The following DSPP variants were observed in gnomAD, a reference collection of about 807,000 sequenced individuals.
The protein encoded by DSPP is deafness, autosomal dominant 39.
In DSPP, 28 loss-of-function variants were observed where a neutral mutation model predicts 29.1. The observed-to-expected ratio is 0.96, with a 90% CI of 0.71 to 1.32. The LOEUF (loss-of-function observed/expected upper bound fraction) is 1.32. Ranked by LOEUF, DSPP falls within the 40% of genes most tolerant of loss-of-function variation. The pLI is 0.00. For missense variants in DSPP, 1,281 were observed against 1,629.9 expected, an observed-to-expected ratio of 0.79 and a Z score of 3.69; for synonymous variants, 481 against 503.4, an observed-to-expected ratio of 0.96 and a Z score of 0.60.
rs772932352 is a variant in DSPP at position 87,615,919 on chromosome 4, AT to A, written c.3258del (p.Asp1086GlufsTer228). 1.1e-4 allele frequency: 115 copies of A among 1,021,688 alleles called. 1 individual carries two copies. Among genetic ancestry groups the A allele is most frequent in the Admixed American group, 1.3e-4 (4 of 30,774 alleles). 63.3% of individuals were successfully genotyped at this position (1,021,688 alleles called of 1,614,324 possible). On this transcript the variant is annotated frameshift_variant, in exon 5 of 5. Transcript: ENST00000651931. LOFTEE classifies it low-confidence loss of function (END_TRUNC). ...SDSSDSSESS[D>X]SSDSSNSSDS... ...AGCAGTGATAGCAGTGAAAGCAGTGATAGCAGTGACAGCAGCAATAGCAGTG... is the reference window on the plus strand; with the variant it reads ...AGCAGTGATAGCAGTGAAAGCAGTGAAGCAGTGACAGCAGCAATAGCAGTG...
chr4:87,615,020 C>T lies in DSPP; in HGVS notation c.2358C>T (p.Asn786=), dbSNP rs377515207. ...ACAGCAGCAACAGCAGTGATAGCAA[C>T]GACAGCAGCAATAGCAGTGACAGCA... is the stretch of plus-strand genomic sequence containing the variant. The part of the protein sequence containing the change: ...SSDSSNSSDS[N]DSSNSSDSSD... The change falls in exon 5 of 5, where the codon AAC becomes AAT. Residue 786 remains asparagine, a synonymous_variant. Transcript: ENST00000651931. The T allele has an allele frequency of 1.3e-4, 207 of 1,547,316 alleles. No individual in the cohort carries two copies. Among genetic ancestry groups the T allele is most frequent in the African/African-American group, 2.9e-4 (21 of 71,598 alleles).
At chr4:87,610,636 T>C (rs1727715690) in intron 1 of DSPP, among the ~76,000 whole-genome samples, 1 of 152,162 alleles carries the variant, frequency 6.6e-6, no homozygotes, top group South Asian at 2.1e-4. Flanking sequence ...ATGCCCTTTG[T>C]ACCTATTATG....
rs768799620 is a variant in DSPP, at chr4:87,613,218, C to T, written c.1032C>T (p.Thr344=). 6.2e-7 allele frequency: 1 copy of T among 1,613,798 alleles called. No homozygotes were observed. Among genetic ancestry groups the T allele is most frequent in the South Asian group, 1.1e-5 (1 of 91,052 alleles). ...ATGGCAGCCAAAGAATAGAGGACAC[C>T]CAGAAGCTCAACCATAGAGAAAGCA... ...EDNGSQRIED[T]QKLNHRESKR... The change falls in exon 4 of 5, where the codon ACC becomes ACT. Residue 344 remains threonine, a synonymous_variant. Coordinates refer to ENST00000651931, the MANE Select transcript of DSPP (RefSeq NM_014208.3).
rs1727920743 is a variant in DSPP, at chr4:87,616,097, T to TGACAGCAGTGAAAGCAGC, written c.3447_3464dup (p.Glu1149_Ser1154dup). ...ACAGCAGCAACAGCAGTGACAGCAG[T>TGACAGCAGTGAAAGCAGC]GACAGCAGTGAAAGCAGCGACAGCA... On this transcript the variant is annotated inframe_insertion, in exon 5 of 5. Transcript: ENST00000651931. 2 of 927,168 alleles carry TGACAGCAGTGAAAGCAGC rather than the reference T, an allele frequency of 2.2e-6. 1 individual carries two copies. Among genetic ancestry groups the TGACAGCAGTGAAAGCAGC allele is most frequent in the Non-Finnish European group, 2.8e-6 (2 of 712,076 alleles). The allele number at this position is 927,168 out of a possible 1,614,324, so 57.4% of individuals were successfully genotyped here. A position where few individuals can be genotyped will look rare whatever the true frequency, so the allele number is the denominator to read the frequency against.
chr4:87,616,590 A>T lies in DSPP; in HGVS notation c.*22A>T. The T allele has an allele frequency of 6.4e-7, 1 of 1,551,732 alleles. No individual in the cohort carries two copies. Among genetic ancestry groups the T allele is most frequent in the Non-Finnish European group, 8.7e-7 (1 of 1,147,000 alleles). On this transcript the variant is annotated 3_prime_UTR_variant, in exon 5 of 5. Transcript: ENST00000651931. ...TTAGAACAAAAGAAAAACCCGTAAG[A>T]TTCCTTTTGTGAAAAGTTTGGTAAT...
intron 4 of DSPP, 75 bp downstream of exon 4, chr4:87,613,383 A>T: frequency 6.5e-7 from 1 of 1,530,034 alleles, no homozygotes; most frequent in Non-Finnish European, 9.0e-7. Flanking sequence ...TAGCACAAAA[A>T]TAAACCATGA....
In DSPP at chr4:87,614,101, A is replaced by G; in HGVS notation, c.1439A>G (p.Glu480Gly). 1 of 1,614,262 alleles carries G rather than the reference A, an allele frequency of 6.2e-7. No homozygotes were observed. Among genetic ancestry groups the G allele is most frequent in the Non-Finnish European group, 8.5e-7 (1 of 1,180,048 alleles). Reference protein sequence around the residue: ...ESNGNDDANSESDNNSSSRGD... With the variant: ...ESNGNDDANSGSDNNSSSRGD... ...AATGGCAATGATGATGCTAATTCAG[A>G]AAGTGACAATAACAGCAGTAGCCGA... Residue 480 changes from glutamate (E) to glycine (G), a missense_variant, in exon 5 of 5, where the codon GAA becomes GGA. Transcript: ENST00000651931.
chr4:87,610,150 G>C (rs946596571), intron 1 of DSPP, among the ~76,000 whole-genome samples: 4 of 152,088 alleles, frequency 2.6e-5, no homozygotes, highest in Non-Finnish European at 5.9e-5. Flanking sequence ...TAAGTAACTA[G>C]GCAATTTTAA....
rs1351837306 is a variant in DSPP, at chr4:87,616,497, A to G, written c.3835A>G (p.Asn1279Asp). Residue 1279 changes from asparagine to aspartate, a missense_variant, in exon 5 of 5, where the codon AAC becomes GAC. By Grantham distance (23) the Asn-to-Asp change is conservative. Coordinates refer to ENST00000651931, the MANE Select transcript of DSPP (RefSeq NM_014208.3). Reference protein sequence around the residue: ...SDSQSKSGNGNNNGSDSDSDS... With the variant: ...SDSQSKSGNGDNNGSDSDSDS... The stretch of plus-strand genomic sequence containing the variant: ...CAGCCAGAGCAAGTCTGGTAACGGT[A>G]ACAACAATGGAAGTGACAGTGACAG... 2 of 1,551,676 alleles carry G rather than the reference A, an allele frequency of 1.3e-6. No homozygotes were observed. Among genetic ancestry groups the G allele is most frequent in the Non-Finnish European group, 1.7e-6 (2 of 1,147,008 alleles).
Position 87,614,758 on chromosome 4 carries a change from G to C in DSPP, c.2096G>C (p.Ser699Thr). The change falls in exon 5 of 5, where the codon AGT becomes ACT. Residue 699 changes from serine (S) to threonine (T), a missense_variant. By Grantham distance (58) the Ser-to-Thr change is moderately conservative (BLOSUM62 1). This residue lies in a region of DSPP where 444 missense variants were observed against 611.4 expected (regional missense o/e 0.73). Transcript: ENST00000651931. ...GACAGTAGTGACAGCAGCAATAGCA[G>C]TGAGAGCAGTGATAGTAGTGACAGC... is the stretch of plus-strand genomic sequence containing the variant. ...SSDSSDSSNSSESSDSSDSSD... is the reference protein window; with the variant it reads ...SSDSSDSSNSTESSDSSDSSD... 1 of 1,549,228 alleles carries C rather than the reference G, an allele frequency of 6.5e-7. No homozygotes were observed.
At chr4:87,613,335 A>C (rs1476768152) in intron 4 of DSPP, 27 bp downstream of exon 4, 1 of 1,611,778 alleles carries the variant, frequency 6.2e-7, no homozygotes, top group East Asian at 2.2e-5. Context: ...GATTTCTTTC[A>C]ATGGCAGTTT....
In DSPP at chr4:87,613,184, C is replaced by T. The variant is rs375236885; in HGVS notation, c.998C>T (p.Pro333Leu). 8 of 1,614,000 alleles carry T rather than the reference C, an allele frequency of 5.0e-6. No homozygotes were observed. Among genetic ancestry groups the T allele is most frequent in the South Asian group, 1.1e-5 (1 of 91,068 alleles). The change falls in exon 4 of 5, where the codon CCA becomes CTA. Residue 333 changes from proline (P) to leucine (L), a missense_variant. Coordinates refer to ENST00000651931, the MANE Select transcript of DSPP (RefSeq NM_014208.3). ...AGTGAGGAGAATTCTGCTGGTATTC[C>T]AGAAGACAATGGCAGCCAAAGAATA... ...SKSEENSAGI[P>L]EDNGSQRIED...
In DSPP at chr4:87,613,082, C is replaced by A. The variant is rs1727770632; in HGVS notation, c.896C>A (p.Ser299Ter). The A allele has an allele frequency of 4.3e-6, 7 of 1,614,010 alleles. No individual in the cohort carries two copies. Among genetic ancestry groups the A allele is most frequent in the Non-Finnish European group, 5.9e-6 (7 of 1,179,996 alleles). ...CATGATAGTAGCATAGGTCAAAATT[C>A]AGATAGTAAAGAATATTATGACCCT... Reference protein sequence around the residue: ...DDHDSSIGQNSDSKEYYDPEG... With the variant: ...DDHDSSIGQN Residue 299 changes from serine (S) to a stop codon, truncating the protein, a stop_gained, in exon 4 of 5, where the codon TCA becomes TAA. Coordinates refer to ENST00000651931, the MANE Select transcript of DSPP (RefSeq NM_014208.3). LOFTEE classifies it high-confidence loss of function.
chr4:87,613,975 A>G lies in DSPP; in HGVS notation c.1313A>G (p.His438Arg). Residue 438 changes from histidine to arginine, a missense_variant, in exon 5 of 5, where the codon CAC (histidine) becomes CGC (arginine). By Grantham distance (29) the His-to-Arg change is conservative. Transcript: ENST00000651931. Reference protein sequence around the residue: ...QKSEPGNKVGHSNTGSDSNSD... With the variant: ...QKSEPGNKVGRSNTGSDSNSD... ...TCAGAACCAGGAAATAAAGTTGGACACAGCAATACAGGTAGTGACAGCAAT... is the reference window on the plus strand; with the variant it reads ...TCAGAACCAGGAAATAAAGTTGGACGCAGCAATACAGGTAGTGACAGCAAT... 6.2e-7 allele frequency: 1 copy of G among 1,614,248 alleles called. No homozygotes were observed. The highest frequency in any genetic ancestry group is 8.5e-7 in the Non-Finnish European group (1 of 1,180,048).
chr4:87,616,782 T>G lies in DSPP; in HGVS notation c.*214T>G, dbSNP rs1486994714. 1.4e-6 allele frequency: 1 copy of G among 697,836 alleles called. No homozygotes were observed. The highest frequency in any genetic ancestry group is 2.7e-5 in the East Asian group (1 of 36,972). The allele number at this position is 697,836 out of a possible 1,614,324, so 43.2% of individuals were successfully genotyped here. ...GAATGCATGACCTTTGGTACATGCC[T>G]GTTAATATTCATGTTCTGAAAATAT... On this transcript the variant is annotated 3_prime_UTR_variant, in exon 5 of 5. Transcript: ENST00000651931.
rs111216224 is a variant in DSPP at position 87,616,127 on chromosome 4, C to T, written c.3465C>T (p.Asp1155=). The change falls in exon 5 of 5, where the codon GAC becomes GAT. Residue 1155 remains aspartate (D), a synonymous_variant. Transcript: ENST00000651931. ...SDSSESSDSS[D]SSDSSDSSDS... ...GCAGTGAAAGCAGCGACAGCAGTGACAGCAGCGACAGCAGTGACAGCAGCG... is the reference window on the plus strand; with the variant it reads ...GCAGTGAAAGCAGCGACAGCAGTGATAGCAGCGACAGCAGTGACAGCAGCG... The T allele has an allele frequency of 0.016, 7,256 of 467,554 alleles. 667 individuals carry two copies. Among genetic ancestry groups the T allele is most frequent in the Middle Eastern group, 0.027 (47 of 1,754 alleles). The allele number at this position is 467,554 out of a possible 1,614,324, so 29.0% of individuals were successfully genotyped here. A position where few individuals can be genotyped will look rare whatever the true frequency, so the allele number is the denominator to read the frequency against.
At position 87,616,637 on chromosome 4, in the gene DSPP, CA is replaced by C. The variant is rs1727963497; in HGVS notation, c.*71del. The C allele has an allele frequency of 3.2e-6, 5 of 1,543,448 alleles. No individual in the cohort carries two copies. In the Admixed American group the frequency reaches 7.9e-5, roughly 24 times the overall value. On this transcript the variant is annotated 3_prime_UTR_variant, in exon 5 of 5. Transcript: ENST00000651931. ...TAATGGGATAGGAAAAAAAGATTTC[CA>C]AGAAAGTAAAGAAAGGGGAGAAATA...
chr4:87,616,026 AATAGCAGTG>A lies in DSPP; in HGVS notation c.3366_3374del (p.Asp1137_Ser1139del), dbSNP rs774137596. On this transcript the variant is annotated inframe_deletion, in exon 5 of 5. Transcript: ENST00000651931. ...TAGCAGTGACAGCAGTGACAGCAGCAATAGCAGTGACAGCAGTGACAGCAGCGACAGCAG... is the reference window on the plus strand; with the variant it reads ...TAGCAGTGACAGCAGTGACAGCAGCAACAGCAGTGACAGCAGCGACAGCAG... 371 of 310,680 alleles carry A rather than the reference AATAGCAGTG, an allele frequency of 1.2e-3. 120 individuals are homozygous for A. Among genetic ancestry groups the A allele is most frequent in the East Asian group, 7.8e-3 (18 of 2,310 alleles). 19.2% of individuals were successfully genotyped at this position (310,680 alleles called of 1,614,324 possible). A position where few individuals can be genotyped will look rare whatever the true frequency, so the allele number is the denominator to read the frequency against.
Position 87,615,826 on chromosome 4 carries a change from GCA to G in DSPP, c.3165_3166del (p.Ser1055ArgfsTer2), listed in dbSNP as rs1491006635. ...GATAGCAGTGACAGCAGTGACAGCA[GCA>G]ATAGCAGTGACAGCAGTGACAGCAG... On this transcript the variant is annotated frameshift_variant, in exon 5 of 5. Transcript: ENST00000651931. LOFTEE classifies it low-confidence loss of function (END_TRUNC). 4.7e-5 allele frequency: 73 copies of G among 1,545,766 alleles called. No individual in the cohort carries two copies. The East Asian group carries it at 1.8e-3, about 38-fold the overall frequency.
Sources: gnomAD v4.1 joint callset for allele counts (sites outside exome capture counted in the v4.1 genomes callset) on GRCh38, gnomAD v4.1.1 for gene constraint, gnomAD v4.1.1 regional missense constraint, MANE v1.5 for transcripts, NCBI Gene and HGNC (gene_info 2026-07-23, HGNC 2026-07-21) for gene names.